DGKB: variants seen among roughly 807,000 people sequenced by gnomAD.
The protein encoded by DGKB is diacylglycerol kinase beta.
DGKB carries 67 observed loss-of-function variants against 114.3 expected under a neutral mutation model. The ratio of observed to expected loss-of-function variants is 0.59; its 90% CI spans 0.48 to 0.72. DGKB has a LOEUF of 0.72. Among genes scored for constraint, DGKB ranks in the 30% least tolerant of loss-of-function variants. The probability of loss-of-function intolerance (pLI) is 0.00; values close to 1 mark genes in which losing one functional copy is unlikely to be tolerated. For missense variants in DGKB, 907 were observed against 975.2 expected (o/e 0.93, Z 0.93); for synonymous variants, 398 against 323.1 (o/e 1.23, Z -2.49).
rs74765279 is a variant in DGKB at position 14,852,496 on chromosome 7, A to AAAAAAAAAAAAAAAAAAAAT, written c.-187-11047_-187-11046insATTTTTTTTTTTTTTTTTTT. Among the ~76,000 whole-genome samples the AAAAAAAAAAAAAAAAAAAAT allele has an allele frequency of 6.4e-4, 96 of 149,054 alleles. 1 individual carries two copies. The highest frequency in any genetic ancestry group is 9.1e-4 in the Non-Finnish European group (61 of 67,322). On this transcript the variant is annotated intron_variant, in intron 1 of 25. Coordinates refer to ENST00000402815, the MANE Select transcript of DGKB (RefSeq NM_001350709.2). ...CTAAAATAGTGAAAGTCAAAAAAAAAACAGAAATCAAGCATAGTACACTGG... is the reference window on the plus strand; with the variant it reads ...CTAAAATAGTGAAAGTCAAAAAAAAAAAAAAAAAAAAAAAAAAAATACAGAAATCAAGCATAGTACACTGG...
At chr7:14,261,707 TATATAG>T (rs142540340) in intron 23 of DGKB, among the ~76,000 whole-genome samples, 238 of 152,340 alleles carry the variant, frequency 1.6e-3, no homozygotes, top group African/African-American at 5.4e-3. Context: ...AAACATAGTT[TATATAG>T]ATATAATTTG....
intron 4 of DGKB, among the ~76,000 whole-genome samples, chr7:14,744,271 T>C (rs1832955248): frequency 1.3e-5 from 2 of 152,202 alleles, no homozygotes; most frequent in African/African-American, 2.4e-5. Flanking sequence ...ATCAGTGCAA[T>C]AGGAATTCAT....
intron 21 of DGKB, among the ~76,000 whole-genome samples, chr7:14,397,105 G>T (rs567611247): frequency 1.1e-3 from 173 of 152,008 alleles, no homozygotes; most frequent in Non-Finnish European, 1.2e-3. Context: ...ATCTGCTAAG[G>T]GTTACATGTT....
intron 21 of DGKB, among the ~76,000 whole-genome samples, chr7:14,442,135 C>T (rs1830162631): frequency 6.6e-6 from 1 of 151,878 alleles, no homozygotes; most frequent in African/African-American, 2.4e-5. Context: ...AGAATATTTG[C>T]TAAAATTGCT....
At chr7:14,853,224 G>T (rs1022827609) in intron 1 of DGKB, among the ~76,000 whole-genome samples, 1 of 152,062 alleles carries the variant, frequency 6.6e-6, no homozygotes, top group Non-Finnish European at 1.5e-5. Flanking sequence ...TAAATTCACA[G>T]TATAAAAACA....
intron 2 of DGKB, among the ~76,000 whole-genome samples, chr7:14,808,129 A>G (rs1842984650): frequency 2.0e-5 from 3 of 152,042 alleles, no homozygotes; most frequent in African/African-American, 7.2e-5. Flanking sequence ...GATAGACAGA[A>G]GTACTGCAAA....
At chr7:14,303,385 A>G (rs967975661) in intron 23 of DGKB, among the ~76,000 whole-genome samples, 2 of 152,148 alleles carry the variant, frequency 1.3e-5, no homozygotes, top group African/African-American at 4.8e-5. Context: ...AGCCATATTC[A>G]CCTTTCCAGA....
intron 25 of DGKB, among the ~76,000 whole-genome samples, chr7:14,153,501 G>C (rs1782529737): frequency 6.6e-6 from 1 of 151,928 alleles, no homozygotes; most frequent in East Asian, 1.9e-4. Context: ...GACTTAAAAG[G>C]GTTCTGCTAC....
chr7:14,755,796 G>A (rs73274385), intron 3 of DGKB, among the ~76,000 whole-genome samples: 18,537 of 151,900 alleles, frequency 0.12, 1,455 homozygotes, highest in African/African-American at 0.23. Context: ...ATTTTCTTCC[G>A]AAGGAAAAAT....
At chr7:14,832,507 A>G (rs1045236393) in intron 2 of DGKB, among the ~76,000 whole-genome samples, 2 of 151,844 alleles carry the variant, frequency 1.3e-5, no homozygotes, top group African/African-American at 4.8e-5. Flanking sequence ...CATCCATTTC[A>G]TCTATTATTG....
intron 2 of DGKB, among the ~76,000 whole-genome samples, chr7:14,833,382 C>T (rs188154932): frequency 1.5e-5 from 2 of 133,552 alleles, no homozygotes; most frequent in Non-Finnish European, 3.2e-5. Context: ...ATGTTTATGT[C>T]TTTATGAAGA....
intron 20 of DGKB, among the ~76,000 whole-genome samples, chr7:14,546,466 T>C (rs1011179871): frequency 2.0e-5 from 3 of 152,216 alleles, no homozygotes; most frequent in Non-Finnish European, 4.4e-5. Context: ...GCTGGCTTCA[T>C]GGGCATGGAA....
At position 14,857,435 on chromosome 7, in the gene DGKB, C is replaced by A. The variant is rs551514302; in HGVS notation, c.-187-15985G>T. 7.2e-5 allele frequency among the ~76,000 whole-genome samples: 11 copies of A among 151,964 alleles called. No homozygotes were observed. The South Asian group carries it at 1.7e-3, about 23-fold the overall frequency. On this transcript the variant is annotated intron_variant, in intron 1 of 25. Coordinates refer to ENST00000402815, the MANE Select transcript of DGKB (RefSeq NM_001350709.2). ...ACACTTCGATTTCAACCTTGTGAGA[C>A]GTTAAGCAGAGAATTCACCTACACC...
intron 13 of DGKB, among the ~76,000 whole-genome samples, chr7:14,656,720 T>C (rs1815869884): frequency 6.8e-6 from 1 of 147,172 alleles, no homozygotes. Context: ...GTTATACATA[T>C]AGGATATATA....
At chr7:14,857,961 G>C (rs374447915) in intron 1 of DGKB, among the ~76,000 whole-genome samples, 1 of 152,030 alleles carries the variant, frequency 6.6e-6, no homozygotes, top group East Asian at 1.9e-4. Flanking sequence ...TTGGCCATAT[G>C]GATAATTATT....
intron 23 of DGKB, among the ~76,000 whole-genome samples, chr7:14,284,338 A>G (rs1366510261): frequency 1.4e-5 from 2 of 142,590 alleles, no homozygotes; most frequent in East Asian, 2.0e-4. Flanking sequence ...TTAGAATGGC[A>G]ATCATTAAAA....
At chr7:14,844,304 A>G (rs1367015145) in intron 1 of DGKB, among the ~76,000 whole-genome samples, 1 of 152,214 alleles carries the variant, frequency 6.6e-6, no homozygotes, top group Non-Finnish European at 1.5e-5. Context: ...AGACAACTTT[A>G]ATATGGAGGC....
chr7:14,866,858 G>C (rs1313542545), intron 1 of DGKB, among the ~76,000 whole-genome samples: 5 of 152,188 alleles, frequency 3.3e-5, no homozygotes, highest in Admixed American at 2.0e-4. Flanking sequence ...CAATGAGTGA[G>C]AGTTCCAGTT....
chr7:14,314,624 G>A (rs2128515068), intron 23 of DGKB, among the ~76,000 whole-genome samples: 1 of 152,218 alleles, frequency 6.6e-6, no homozygotes, highest in East Asian at 1.9e-4. Context: ...AAGAACTACG[G>A]GACTATGTGA....
Sources: gnomAD v4.1 joint callset for allele counts (sites outside exome capture counted in the v4.1 genomes callset) on GRCh38, gnomAD v4.1.1 for gene constraint, MANE v1.5 for transcripts, NCBI Gene and HGNC (gene_info 2026-07-23, HGNC 2026-07-21) for gene names.